Variants in EML1 observed in about 807,000 individuals in gnomAD.
The protein encoded by EML1 is echinoderm microtubule-associated protein-like 1.
In EML1, 27 loss-of-function variants were observed where a neutral mutation model predicts 110.4. The ratio of observed to expected loss-of-function variants is 0.24; its 90% confidence interval spans 0.18 to 0.34. The LOEUF (loss-of-function observed/expected upper bound fraction) is 0.34, where lower values mean the gene tolerates loss of function less well. Ranked by LOEUF, EML1 falls within the 10% of genes least tolerant of loss-of-function variation. The probability of loss-of-function intolerance (pLI) is 1.00; values close to 1 mark genes in which losing one functional copy is unlikely to be tolerated. For synonymous variants in EML1, 344 were observed against 385.8 expected (o/e 0.89, Z 1.27); for missense variants, 741 against 1,030.9 (o/e 0.72, Z 3.85).
At chr14:99,751,171 C>T (rs567540808) in intron 1 of EML1, among the ~76,000 whole-genome samples, 1 of 152,200 alleles carries the variant, frequency 6.6e-6, no homozygotes, top group African/African-American at 2.4e-5. Context: ...ACAGTCTGCC[C>T]CTCACCTGCC....
rs137890496 is a variant in EML1 at position 99,872,823 on chromosome 14, T to G, written c.384-5662T>G. On this transcript the variant is annotated intron_variant, in intron 3 of 21. Coordinates refer to ENST00000262233, the MANE Select transcript of EML1 (RefSeq NM_004434.3). ...AATATGTTTACAATCAGGTAGGAAT[T>G]TTTCTGTAATCAGAGTTCCAAATTA... is the stretch of plus-strand genomic sequence containing the variant. 7.2e-5 allele frequency among the ~76,000 whole-genome samples: 11 copies of G among 152,336 alleles called. No homozygotes were observed. The East Asian group carries it at 2.1e-3, about 29-fold the overall frequency.
At chr14:99,793,264 A>T, upstream of EML1, 3 of 899,186 alleles carry the variant, frequency 3.3e-6, no homozygotes, top group Non-Finnish European at 4.0e-6. Context: ...GCGGCCGCCG[A>T]GGCCGCCCCC....
intron 15 of EML1, chr14:99,914,980 C>T (rs1311557670): frequency 2.3e-6 from 1 of 435,088 alleles, no homozygotes; most frequent in Non-Finnish European, 4.1e-6. Context: ...GTCTCTCAAC[C>T]ATCCTAAGAG....
chr14:99,919,205 A>C (rs1041938946), intron 16 of EML1, among the ~76,000 whole-genome samples: 13 of 152,204 alleles, frequency 8.5e-5, no homozygotes, highest in African/African-American at 3.1e-4. Flanking sequence ...GTATACATTT[A>C]CTGTGGTTTC....
rs2060542877 is a variant in EML1 at position 99,939,578 on chromosome 14, C to T, written c.2322+251C>T. On this transcript the variant is annotated intron_variant, in intron 21 of 21. Coordinates refer to ENST00000262233, the MANE Select transcript of EML1 (RefSeq NM_004434.3). This position sits in a 1 kb window ranked among gnomAD's most constrained non-coding sequence, Gnocchi z 4.2. ...CCCACAGGCTCACGACCCCGCCCTCCCCCACGGCTCCCTTGCTCCGGCCCT... is the reference window on the plus strand; with the variant it reads ...CCCACAGGCTCACGACCCCGCCCTCTCCCACGGCTCCCTTGCTCCGGCCCT... Among the ~76,000 whole-genome samples, 4 of 152,144 alleles carry T rather than the reference C, an allele frequency of 2.6e-5. No homozygotes were observed. In the South Asian group the frequency reaches 8.3e-4, roughly 31 times the overall value.
At chr14:99,824,795 C>T (rs1279927926) in intron 1 of EML1, among the ~76,000 whole-genome samples, 1 of 152,118 alleles carries the variant, frequency 6.6e-6, no homozygotes, top group Non-Finnish European at 1.5e-5. Context: ...CCTTTTGGAG[C>T]CTCCAGTGTC....
chr14:99,749,065 C>T (rs190018004), intron 1 of EML1, among the ~76,000 whole-genome samples: 9 of 152,284 alleles, frequency 5.9e-5, no homozygotes, highest in African/African-American at 1.2e-4. Context: ...CACCAGTGGA[C>T]GGGCATTTGG....
At chr14:99,906,409 G>C (rs908561100) in intron 9 of EML1, among the ~76,000 whole-genome samples, 7 of 152,162 alleles carry the variant, frequency 4.6e-5, no homozygotes, top group Non-Finnish European at 8.8e-5. Flanking sequence ...GTGAGGGATG[G>C]ATTATTGATG....
chr14:99,919,875 G>C (rs944258174), intron 16 of EML1, among the ~76,000 whole-genome samples: 1 of 152,128 alleles, frequency 6.6e-6, no homozygotes, highest in East Asian at 1.9e-4. Context: ...GCCTGGCTAG[G>C]GGGGCTCCTG....
At chr14:99,824,578 A>G (rs942774290) in intron 1 of EML1, among the ~76,000 whole-genome samples, 2 of 151,778 alleles carry the variant, frequency 1.3e-5, no homozygotes, top group Non-Finnish European at 2.9e-5. Flanking sequence ...AGGTCTTATC[A>G]GTGAAAATTT....
intron 3 of EML1, 55 bp downstream of exon 3, chr14:99,865,701 C>A: frequency 6.3e-7 from 1 of 1,576,832 alleles, no homozygotes. Flanking sequence ...CTCTTAGATT[C>A]CAACATGAGT....
Position 99,894,612 on chromosome 14 carries a change from C to A in EML1, c.548-17C>A, listed in dbSNP as rs928714320. ...GGGCACTGAGGTATCTTACTGAAAT[C>A]TTTGTTCTTTTTGTAGAAGAAGGCT... On this transcript the variant is annotated splice_polypyrimidine_tract_variant and intron_variant, in intron 5 of 21. Transcript: ENST00000262233. 3.1e-6 allele frequency: 5 copies of A among 1,606,434 alleles called. No homozygotes were observed. The highest frequency in any genetic ancestry group is 4.2e-6 in the Non-Finnish European group (5 of 1,176,780).
chr14:99,759,757 C>A (rs1308753316), intron 1 of EML1, among the ~76,000 whole-genome samples: 3 of 152,178 alleles, frequency 2.0e-5, no homozygotes, highest in African/African-American at 7.2e-5. Context: ...CCTTAACCAC[C>A]CTCAGCAGCA....
In EML1 at chr14:99,910,317, G is replaced by A; in HGVS notation, c.1315G>A (p.Gly439Ser). 6.2e-7 allele frequency: 1 copy of A among 1,613,238 alleles called. No individual in the cohort carries two copies. The highest frequency in any genetic ancestry group is 8.5e-7 in the Non-Finnish European group (1 of 1,179,674). The change falls in exon 12 of 22, where the codon GGC becomes AGC. Residue 439 changes from glycine to serine, a missense_variant. By Grantham distance (56) the Gly-to-Ser change is moderately conservative. Transcript: ENST00000262233. ...NGDTITGDSS[G>S]NILVWGKGTN... ...TGACACCATTACTGGAGATTCAAGT[G>A]GCAACATCTTAGTATGGGGAAAAGG...
At chr14:99,845,339 C>A (rs763327243) in intron 1 of EML1, among the ~76,000 whole-genome samples, 8 of 152,138 alleles carry the variant, frequency 5.3e-5, no homozygotes, top group South Asian at 2.1e-4. Context: ...GTCTTTTGCC[C>A]ATTTTTCCCC....
At chr14:99,794,326 A>G (rs1411076555) in intron 1 of EML1, among the ~76,000 whole-genome samples, 2 of 151,994 alleles carry the variant, frequency 1.3e-5, no homozygotes, top group Non-Finnish European at 2.9e-5. Flanking sequence ...TTCACGCACA[A>G]AAGTTAACCA....
rs34680462 is a variant in EML1, at chr14:99,787,268, C to CTTT, written c.-27+13274_-27+13276dup. On this transcript the variant is annotated intron_variant, in intron 1 of 22. Coordinates refer to the EML1 transcript ENST00000327921. The stretch of plus-strand genomic sequence containing the variant: ...ATAGTCAATTCTTGACTCTGAGATT[C>CTTT]TTTTTTTTTTTTTTTTTTTTTGAGA... Among the ~76,000 whole-genome samples the CTTT allele has an allele frequency of 4.8e-3, 491 of 101,552 alleles. 6 individuals carry two copies. Among genetic ancestry groups the CTTT allele is most frequent in the Middle Eastern group, 6.8e-3 (1 of 146 alleles). The allele number at this position is 101,552 out of a possible 152,430, so 66.6% of individuals were successfully genotyped here. A position where few individuals can be genotyped will look rare whatever the true frequency, so the allele number is the denominator to read the frequency against.
chr14:99,796,028 T>G (rs1387938485), intron 1 of EML1, among the ~76,000 whole-genome samples: 2 of 151,948 alleles, frequency 1.3e-5, no homozygotes, highest in East Asian at 3.9e-4. Context: ...CTACAAAAAA[T>G]TTTTAAAAGT....
At chr14:99,761,773 A>T (rs2057315978) in intron 1 of EML1, among the ~76,000 whole-genome samples, 1 of 151,900 alleles carries the variant, frequency 6.6e-6, no homozygotes, top group Non-Finnish European at 1.5e-5. Flanking sequence ...AAAAATATAA[A>T]AGTTAGCCAG....
Sources: allele counts gnomAD v4.1 joint callset (sites outside exome capture counted in the v4.1 genomes callset), GRCh38; gene constraint gnomAD v4.1.1; non-coding constraint Gnocchi (gnomAD v3.1); transcripts MANE v1.5; gene names NCBI Gene and HGNC (gene_info 2026-07-23, HGNC 2026-07-21).